NUDT13: variants seen among roughly 807,000 people sequenced by gnomAD.
NUDT13 encodes the protein nudix hydrolase 13.
A neutral mutation model predicts 41.7 loss-of-function variants in NUDT13; 40 were observed. The observed-to-expected ratio is 0.96, with a 90% CI of 0.75 to 1.25. NUDT13 has a LOEUF of 1.25. NUDT13 is among the 50% of genes most tolerant of loss of function. The pLI, the probability that NUDT13 is intolerant of heterozygous loss-of-function variation, is 0.00. For missense variants in NUDT13, 390 were observed against 416.1 expected, an observed-to-expected ratio of 0.94 and a Z score of 0.55; for synonymous variants, 145 against 155.5, an observed-to-expected ratio of 0.93 and a Z score of 0.50.
chr10:73,127,789 T>C (rs1164298985), intron 8 of NUDT13, among the ~76,000 whole-genome samples: 2 of 151,840 alleles, frequency 1.3e-5, no homozygotes, highest in South Asian at 4.2e-4. Context: ...TCTATTCTCT[T>C]AGCAAATTTT....
At chr10:73,128,214 T>C (rs7098717) in intron 8 of NUDT13, among the ~76,000 whole-genome samples, 7,130 of 152,278 alleles carry the variant, frequency 0.047, 526 homozygotes, top group African/African-American at 0.16. Context: ...AGTGCAGATA[T>C]CTCTTCAAGA....
At chr10:73,112,844 CTA>C (rs201482211) in intron 1 of NUDT13, among the ~76,000 whole-genome samples, 1 of 151,224 alleles carries the variant, frequency 6.6e-6, no homozygotes, top group Non-Finnish European at 1.5e-5. Flanking sequence ...CTCCCTGTTA[CTA>C]TATATATATA....
chr10:73,122,351 C>T, intron 4 of NUDT13, 42 bp downstream of exon 4: 2 of 1,539,438 alleles, frequency 1.3e-6, no homozygotes, highest in East Asian at 4.7e-5. Flanking sequence ...CAGTGGTCTT[C>T]AGAATTTGGG....
chr10:73,129,246 C>T (rs529222421), intron 8 of NUDT13, among the ~76,000 whole-genome samples: 8 of 145,256 alleles, frequency 5.5e-5, no homozygotes, highest in African/African-American at 2.1e-4. Context: ...AATCTCAGCT[C>T]ACTGCAACCT....
In NUDT13 at chr10:73,113,245, T is replaced by G. The variant is rs574551879; in HGVS notation, c.-9-1112T>G. Among the ~76,000 whole-genome samples, 435 of 152,318 alleles carry G rather than the reference T, an allele frequency of 2.9e-3. 5 individuals carry two copies. Among genetic ancestry groups the G allele is most frequent in the African/African-American group, 9.6e-3 (399 of 41,570 alleles). ...TTTTATCATAATTTTCAGTTAACGTTCTTGTACATATCCTTTCCTTCCTAG... is the reference window on the plus strand; with the variant it reads ...TTTTATCATAATTTTCAGTTAACGTGCTTGTACATATCCTTTCCTTCCTAG... On this transcript the variant is annotated intron_variant, in intron 1 of 8. Transcript: ENST00000357321.
At position 73,120,113 on chromosome 10, in the gene NUDT13, A is replaced by C. The variant is rs746241337; in HGVS notation, c.179A>C (p.Gln60Pro). Reference protein sequence around the residue: ...YLFHSLAPLLQTSAHQYLAPR... With the variant: ...YLFHSLAPLLPTSAHQYLAPR... ...TTTCATAGTCTGGCTCCTCTGCTTCAGACTTCAGCACATCAATACCTGGCC... is the reference window on the plus strand; with the variant it reads ...TTTCATAGTCTGGCTCCTCTGCTTCCGACTTCAGCACATCAATACCTGGCC... The change falls in exon 3 of 9, where the codon CAG becomes CCG. Residue 60 changes from glutamine to proline, a missense_variant. Transcript: ENST00000357321. 1.9e-6 allele frequency: 3 copies of C among 1,614,088 alleles called. No individual in the cohort carries two copies. Among genetic ancestry groups the C allele is most frequent in the Non-Finnish European group, 2.5e-6 (3 of 1,180,046 alleles).
At chr10:73,111,039 C>G (rs566096505) in intron 1 of NUDT13, among the ~76,000 whole-genome samples, 1 of 151,916 alleles carries the variant, frequency 6.6e-6, no homozygotes, top group African/African-American at 2.4e-5. Context: ...TGCAGTGACA[C>G]GATCTCCACT....
chr10:73,110,576 A>T lies in NUDT13; in HGVS notation c.-10+9A>T, dbSNP rs1405847254. The T allele has an allele frequency of 6.6e-6, 1 of 152,240 alleles. No homozygotes were observed. Among genetic ancestry groups the T allele is most frequent in the Non-Finnish European group, 1.5e-5 (1 of 68,052 alleles). 9.4% of individuals were successfully genotyped at this position (152,240 alleles called of 1,614,324 possible). On this transcript the variant is annotated intron_variant, in intron 1 of 8. Coordinates refer to ENST00000357321, the MANE Select transcript of NUDT13 (RefSeq NM_015901.6). ...CCCGAAAAGAATTCAGAGTGAGTAC[A>T]GTGAAACAGAAACCTGCTCAGCTTC...
intron 5 of NUDT13, 40 bp from the exon 6 acceptor site, chr10:73,125,078 T>A (rs774610025): frequency 1.3e-6 from 2 of 1,573,000 alleles, no homozygotes; most frequent in East Asian, 4.5e-5. Context: ...GAGCCCCGCA[T>A]TCTCTCCAAA....
At chr10:73,112,337 G>C (rs1842385265) in intron 1 of NUDT13, among the ~76,000 whole-genome samples, 1 of 151,732 alleles carries the variant, frequency 6.6e-6, no homozygotes, top group Non-Finnish European at 1.5e-5. Flanking sequence ...CGGGCAACAA[G>C]AGCGAAACTC....
rs1842662399 is a variant in NUDT13, at chr10:73,122,264, T to C, written c.313T>C (p.Trp105Arg). 6.2e-7 allele frequency: 1 copy of C among 1,614,098 alleles called. No homozygotes were observed. ...LIGCSEQQEAWFALDLGLDSS... is the reference protein window; with the variant it reads ...LIGCSEQQEARFALDLGLDSS... ...TGGATGCTCTGAGCAGCAGGAAGCA[T>C]GGTTTGCTCTGGATCTAGGTCTGGA... is the stretch of plus-strand genomic sequence containing the variant. Residue 105 changes from tryptophan to arginine, a missense_variant, in exon 4 of 9, where the codon TGG becomes CGG. Coordinates refer to ENST00000357321, the MANE Select transcript of NUDT13 (RefSeq NM_015901.6).
At chr10:73,123,910 C>T (rs11000524) in intron 4 of NUDT13, among the ~76,000 whole-genome samples, 15,987 of 152,112 alleles carry the variant, frequency 0.11, 1,227 homozygotes, top group East Asian at 0.3. Flanking sequence ...TCACCCGCCT[C>T]GGCCTCCCAA....
At chr10:73,112,512 T>C (rs1842392008) in intron 1 of NUDT13, among the ~76,000 whole-genome samples, 1 of 151,954 alleles carries the variant, frequency 6.6e-6, no homozygotes. Flanking sequence ...TATTAAAGTA[T>C]AATATATACT....
rs535786227 is a variant in NUDT13 at position 73,120,393 on chromosome 10, G to A, written c.223+236G>A. On this transcript the variant is annotated intron_variant, in intron 3 of 8. Coordinates refer to ENST00000357321, the MANE Select transcript of NUDT13 (RefSeq NM_015901.6). ...GAACCACTAATGCCTTAAACCAGGG[G>A]TTGGTAAAACTGCTGTCCAAATTGT... Among the ~76,000 whole-genome samples, 4 of 152,282 alleles carry A rather than the reference G, an allele frequency of 2.6e-5. No individual in the cohort carries two copies. The South Asian group carries it at 8.3e-4, about 32-fold the overall frequency.
intron 8 of NUDT13, among the ~76,000 whole-genome samples, chr10:73,128,564 T>C (rs1842844318): frequency 6.6e-6 from 1 of 152,234 alleles, no homozygotes. Context: ...TTCAGATTCT[T>C]TGCCCATTTT....
At chr10:73,128,261 A>G (rs974445283) in intron 8 of NUDT13, among the ~76,000 whole-genome samples, 1 of 152,196 alleles carries the variant, frequency 6.6e-6, no homozygotes, top group African/African-American at 2.4e-5. Flanking sequence ...GCTAGATCAA[A>G]GGGTAATTCT....
At chr10:73,128,270 CTATTTT>C (rs564695924) in intron 8 of NUDT13, among the ~76,000 whole-genome samples, 145 of 152,258 alleles carry the variant, frequency 9.5e-4, no homozygotes, top group African/African-American at 3.3e-3. Flanking sequence ...AAGGGTAATT[CTATTTT>C]TAATTTTTTG....
chr10:73,127,165 G>C (rs1310653152), intron 8 of NUDT13, among the ~76,000 whole-genome samples: 3 of 152,126 alleles, frequency 2.0e-5, no homozygotes, highest in Non-Finnish European at 2.9e-5. Context: ...CGGATCACGA[G>C]GTCAGGAGTT....
At chr10:73,119,707 G>A (rs953304182) in intron 2 of NUDT13, among the ~76,000 whole-genome samples, 2 of 152,142 alleles carry the variant, frequency 1.3e-5, no homozygotes, top group African/African-American at 4.8e-5. Flanking sequence ...GCTAACTACA[G>A]AGATACAGAG....
Sources: gnomAD v4.1 joint callset for allele counts (sites outside exome capture counted in the v4.1 genomes callset) on GRCh38, gnomAD v4.1.1 for gene constraint, MANE v1.5 for transcripts, NCBI Gene and HGNC (gene_info 2026-07-23, HGNC 2026-07-21) for gene names.